Variants in ZNF827 observed in about 807,000 individuals in gnomAD.
The protein encoded by ZNF827 is zinc finger protein 827.
ZNF827 carries 13 observed loss-of-function variants against 102.4 expected under a neutral mutation model. The observed-to-expected ratio is 0.13, with a 90% CI of 0.08 to 0.20. The LOEUF (loss-of-function observed/expected upper bound fraction) is 0.20. Ranked by LOEUF, ZNF827 falls within the 10% of genes least tolerant of loss-of-function variation. The pLI is 1.00. For missense variants in ZNF827, 1,103 were observed against 1,344.4 expected (o/e 0.82, Z 2.81); for synonymous variants, 523 against 536.2 (o/e 0.98, Z 0.34).
chr4:145,902,174 G>A lies in ZNF827; in HGVS notation c.1085C>T (p.Ser362Phe), dbSNP rs753837588. ...PVPKGRVSKP[S>F]NSASEEESGK... ...AAGAAAAGATGCCATACCTGAATTG[G>A]AGGGTTTAGAAACTCTTCCCTTAGG... The change falls in exon 2 of 15, where the codon TCC (serine) becomes TTC (phenylalanine). Residue 362 changes from serine to phenylalanine, a missense_variant. This residue lies in a region of ZNF827 where 441 missense variants were observed against 458.6 expected (regional missense o/e 0.96). Transcript: ENST00000508784. The surrounding 1 kb of genome is among the most constrained non-coding windows in gnomAD (Gnocchi z 4.3). 6.3e-6 allele frequency: 10 copies of A among 1,595,146 alleles called. No homozygotes were observed. The highest frequency in any genetic ancestry group is 7.7e-6 in the Non-Finnish European group (9 of 1,172,914).
At chr4:145,793,389 A>T (rs1185154301) in intron 8 of ZNF827, among the ~76,000 whole-genome samples, 1 of 23,832 alleles carries the variant, frequency 4.2e-5, no homozygotes, top group Non-Finnish European at 1.0e-4. Flanking sequence ...TAAGGTCCAC[A>T]ATAGGCTGTC....
At chr4:145,889,728 G>T (rs1314228037) in intron 3 of ZNF827, among the ~76,000 whole-genome samples, 2 of 152,140 alleles carry the variant, frequency 1.3e-5, no homozygotes, top group Admixed American at 1.3e-4. Flanking sequence ...CATAATCCCA[G>T]TACTCTGGGA....
chr4:145,881,834 A>C (rs1749694151), intron 4 of ZNF827, among the ~76,000 whole-genome samples: 1 of 152,246 alleles, frequency 6.6e-6, no homozygotes, highest in East Asian at 1.9e-4. Flanking sequence ...CCACAGGAAC[A>C]AAACTGCACT....
chr4:145,833,397 T>C (rs961997680), intron 7 of ZNF827, among the ~76,000 whole-genome samples: 6 of 152,176 alleles, frequency 3.9e-5, no homozygotes, highest in Non-Finnish European at 7.4e-5. Flanking sequence ...CCTCTCTGAT[T>C]ATTCACCCAC....
At chr4:145,804,081 T>C (rs979266731) in intron 8 of ZNF827, among the ~76,000 whole-genome samples, 29 of 152,334 alleles carry the variant, frequency 1.9e-4, no homozygotes, top group African/African-American at 6.5e-4. Context: ...GCAAAGCCCT[T>C]TTAGAAATCT....
At chr4:145,811,964 GAGTGC>G (rs1001930139) in intron 8 of ZNF827, among the ~76,000 whole-genome samples, 1 of 152,020 alleles carries the variant, frequency 6.6e-6, no homozygotes, top group African/African-American at 2.4e-5. Flanking sequence ...ACCCAGGCTG[GAGTGC>G]AGTGGCACAG....
intron 2 of ZNF827, among the ~76,000 whole-genome samples, chr4:145,899,432 C>T (rs1336025331): frequency 6.6e-6 from 1 of 152,094 alleles, no homozygotes; most frequent in Non-Finnish European, 1.5e-5. Context: ...AATCATGTAC[C>T]CATGATACAA....
intron 1 of ZNF827, among the ~76,000 whole-genome samples, chr4:145,914,778 G>A (rs1025056956): frequency 2.0e-5 from 3 of 152,224 alleles, no homozygotes; most frequent in African/African-American, 7.2e-5. Context: ...TCCTGAAGGT[G>A]TACCTTCCTT....
In ZNF827 at chr4:145,761,071, A is replaced by C. The variant is rs538548201; in HGVS notation, c.*545T>G. The C allele has an allele frequency of 3.1e-6, 4 of 1,289,366 alleles. No individual in the cohort carries two copies. Among genetic ancestry groups the C allele is most frequent in the Non-Finnish European group, 3.0e-6 (3 of 988,646 alleles). 79.9% of individuals were successfully genotyped at this position (1,289,366 alleles called of 1,614,324 possible). A position where few individuals can be genotyped will look rare whatever the true frequency, so the allele number is the denominator to read the frequency against. Reference sequence around the variant, plus strand: ...GGTCTGCAGAGCCTGGGAGGCAGACATAACTGACAGGGGAGACAGGAGATT... The same window carrying C: ...GGTCTGCAGAGCCTGGGAGGCAGACCTAACTGACAGGGGAGACAGGAGATT... On this transcript the variant is annotated 3_prime_UTR_variant, in exon 15 of 15. Coordinates refer to ENST00000508784, the MANE Select transcript of ZNF827 (RefSeq NM_001306215.2). This position sits in a 1 kb window ranked among gnomAD's most constrained non-coding sequence, Gnocchi z 6.8.
intron 2 of ZNF827, among the ~76,000 whole-genome samples, chr4:145,894,135 A>T (rs1276552858): frequency 6.6e-6 from 1 of 152,210 alleles, no homozygotes; most frequent in Non-Finnish European, 1.5e-5. Flanking sequence ...TCTGGTGAAG[A>T]TATATACATG....
intron 3 of ZNF827, among the ~76,000 whole-genome samples, chr4:145,886,984 G>A (rs1055860339): frequency 7.9e-5 from 12 of 152,236 alleles, no homozygotes; most frequent in Non-Finnish European, 1.3e-4. Context: ...TCATTGCATT[G>A]GCCTGAGCCA....
intron 1 of ZNF827, among the ~76,000 whole-genome samples, chr4:145,924,327 T>C (rs936200813): frequency 1.3e-5 from 2 of 152,242 alleles, no homozygotes; most frequent in Non-Finnish European, 2.9e-5. Context: ...CTAGTTAAAC[T>C]GGGCGGTAGG....
intron 1 of ZNF827, among the ~76,000 whole-genome samples, chr4:145,923,678 A>G (rs1753233653): frequency 1.3e-5 from 2 of 152,218 alleles, no homozygotes; most frequent in Non-Finnish European, 2.9e-5. Flanking sequence ...AGAGATTTGC[A>G]AAAATATAAA....
intron 4 of ZNF827, among the ~76,000 whole-genome samples, chr4:145,876,267 G>A (rs1749140326): frequency 6.6e-6 from 1 of 152,224 alleles, no homozygotes; most frequent in Admixed American, 6.5e-5. Flanking sequence ...GCAGTTGGGG[G>A]TGGGGGACTG....
intron 5 of ZNF827, among the ~76,000 whole-genome samples, chr4:145,864,946 G>A (rs1013776877): frequency 6.6e-6 from 1 of 152,190 alleles, no homozygotes. Flanking sequence ...TGCTTAGAAA[G>A]CTTGCTAGAC....
chr4:145,855,367 G>C (rs1230495752), intron 5 of ZNF827, among the ~76,000 whole-genome samples: 1 of 152,172 alleles, frequency 6.6e-6, no homozygotes, highest in Non-Finnish European at 1.5e-5. Context: ...AAGATACAAA[G>C]GTCTTGGATG....
In ZNF827 at chr4:145,902,444, G is replaced by A; in HGVS notation, c.815C>T (p.Pro272Leu). The A allele has an allele frequency of 6.2e-7, 1 of 1,614,204 alleles. No homozygotes were observed. The highest frequency in any genetic ancestry group is 8.5e-7 in the Non-Finnish European group (1 of 1,180,050). Reference sequence around the variant, plus strand: ...GGAAAGGAAGGAGCTGGCCGGTGGAGGGTGCTCCTGACCAGGAGTCAAACT... The same window carrying A: ...GGAAAGGAAGGAGCTGGCCGGTGGAAGGTGCTCCTGACCAGGAGTCAAACT... ...ERSLTPGQEH[P>L]PPASSFLSLA... is the part of the protein sequence containing the mutation. Residue 272 changes from proline to leucine, a missense_variant, in exon 2 of 15, where the codon CCT (proline) becomes CTT (leucine). Pro to Leu is a moderately conservative substitution (Grantham distance 98). This residue lies in a region of ZNF827 where 441 missense variants were observed against 458.6 expected (regional missense o/e 0.96). Coordinates refer to ENST00000508784, the MANE Select transcript of ZNF827 (RefSeq NM_001306215.2). The surrounding 1 kb of genome is among the most constrained non-coding windows in gnomAD (Gnocchi z 4.3).
At chr4:145,932,080 A>C (rs1753848882) in intron 1 of ZNF827, among the ~76,000 whole-genome samples, 1 of 152,262 alleles carries the variant, frequency 6.6e-6, no homozygotes, top group Non-Finnish European at 1.5e-5. Flanking sequence ...AAGACACAGC[A>C]AAAAGGTACC....
chr4:145,906,434 T>C (rs1175986289), intron 1 of ZNF827, among the ~76,000 whole-genome samples: 2 of 152,142 alleles, frequency 1.3e-5, no homozygotes, highest in African/African-American at 2.4e-5. Flanking sequence ...TTTGTTGGAG[T>C]CGGTCAAAAG....
Sources: gnomAD v4.1 joint callset for allele counts (sites outside exome capture counted in the v4.1 genomes callset) on GRCh38, gnomAD v4.1.1 for gene constraint, gnomAD v4.1.1 regional missense constraint, Gnocchi (gnomAD v3.1) non-coding constraint, MANE v1.5 for transcripts, NCBI Gene and HGNC (gene_info 2026-07-23, HGNC 2026-07-21) for gene names.